Variants in SACM1L observed in about 807,000 individuals in gnomAD.
SACM1L encodes phosphatidylinositol-3-phosphatase SAC1.
Under a neutral mutation model 89.5 loss-of-function variants are expected in SACM1L, and 32 were observed. That is an observed-to-expected ratio of 0.36 (90% CI 0.27 to 0.48). SACM1L has a LOEUF of 0.48. Ranked by LOEUF, SACM1L falls within the 20% of genes least tolerant of loss-of-function variation. The probability of loss-of-function intolerance (pLI) is 0.99; values close to 1 mark genes in which losing one functional copy is unlikely to be tolerated. For missense variants in SACM1L, 543 were observed against 708.5 expected, an observed-to-expected ratio of 0.77 and a Z score of 2.65; for synonymous variants, 213 against 232.8, an observed-to-expected ratio of 0.92 and a Z score of 0.77.
intron 5 of SACM1L, among the ~76,000 whole-genome samples, chr3:45,712,810 T>TTAA (rs10660486): frequency 6.6e-6 from 1 of 151,716 alleles, no homozygotes; most frequent in Non-Finnish European, 1.5e-5. Flanking sequence ...GGAAGGTGTG[T>TTAA]TAGTTAGGCT....
At chr3:45,728,964 A>G (rs1698987055) in intron 11 of SACM1L, among the ~76,000 whole-genome samples, 1 of 152,216 alleles carries the variant, frequency 6.6e-6, no homozygotes, top group Non-Finnish European at 1.5e-5. Flanking sequence ...GTGAGCCACC[A>G]TTCCTGACTG....
At chr3:45,704,954 A>T (rs1175054082) in intron 2 of SACM1L, among the ~76,000 whole-genome samples, 181 bp from the exon 3 acceptor site, 1 of 152,174 alleles carries the variant, frequency 6.6e-6, no homozygotes, top group Non-Finnish European at 1.5e-5. Flanking sequence ...TTGCTGTTAC[A>T]CTCCAGTTTA....
Position 45,723,469 on chromosome 3 carries a change from C to T in SACM1L, c.853-6C>T. ...CCAGTAAAATATGTAACTTTTTCCTCTCTAGATGGACGGTTTCCAAAGGCA... is the reference window on the plus strand; with the variant it reads ...CCAGTAAAATATGTAACTTTTTCCTTTCTAGATGGACGGTTTCCAAAGGCA... On this transcript the variant is annotated splice_region_variant and splice_polypyrimidine_tract_variant and intron_variant, in intron 10 of 19. Transcript: ENST00000389061. The T allele has an allele frequency of 1.4e-6, 2 of 1,417,790 alleles. No homozygotes were observed. Among genetic ancestry groups the T allele is most frequent in the South Asian group, 1.7e-5 (1 of 58,660 alleles). The allele number at this position is 1,417,790 out of a possible 1,614,324, so 87.8% of individuals were successfully genotyped here.
intron 1 of SACM1L, among the ~76,000 whole-genome samples, chr3:45,697,340 G>A (rs939584908): frequency 4.2e-5 from 6 of 142,730 alleles, no homozygotes; most frequent in Non-Finnish European, 6.0e-5. Context: ...GTAGTGGTGC[G>A]ATCTTGGCTC....
At chr3:45,692,326 T>A (rs1428940737) in intron 1 of SACM1L, among the ~76,000 whole-genome samples, 3 of 152,006 alleles carry the variant, frequency 2.0e-5, no homozygotes, top group Non-Finnish European at 4.4e-5. Flanking sequence ...GTTTTTTTTT[T>A]TTTTTATTAT....
Position 45,722,884 on chromosome 3 carries a change from C to A in SACM1L, c.781C>A (p.Pro261Thr). The A allele has an allele frequency of 6.2e-7, 1 of 1,612,804 alleles. No individual in the cohort carries two copies. The highest frequency in any genetic ancestry group is 1.3e-5 in the African/African-American group (1 of 74,974). ...TTTCTTTTAGACTCGAGGATCAATA[C>A]CTGTTTTCTGGTCCCAAAGACCAAA... Reference protein sequence around the residue: ...ASFVQTRGSIPVFWSQRPNLK... With the variant: ...ASFVQTRGSITVFWSQRPNLK... The change falls in exon 10 of 20, where the codon CCT becomes ACT. Residue 261 changes from proline (P) to threonine (T), a missense_variant. By Grantham distance (38) the Pro-to-Thr change is conservative. This residue lies in a region of SACM1L where 370 missense variants were observed against 527.6 expected (regional missense o/e 0.70). Coordinates refer to ENST00000389061, the MANE Select transcript of SACM1L (RefSeq NM_014016.5).
chr3:45,696,866 T>G (rs1035726551), intron 1 of SACM1L, among the ~76,000 whole-genome samples: 1 of 152,236 alleles, frequency 6.6e-6, no homozygotes, highest in Non-Finnish European at 1.5e-5. Flanking sequence ...ATATTTGATG[T>G]TAATATTATA....
chr3:45,731,120 C>G (rs1433390608), intron 11 of SACM1L, among the ~76,000 whole-genome samples, 181 bp from the exon 12 acceptor site: 1 of 152,184 alleles, frequency 6.6e-6, no homozygotes, highest in Non-Finnish European at 1.5e-5. Context: ...GGGTGGGTTA[C>G]TATAAAACCT....
At chr3:45,730,880 A>G (rs995724831) in intron 11 of SACM1L, among the ~76,000 whole-genome samples, 1 of 152,210 alleles carries the variant, frequency 6.6e-6, no homozygotes, top group African/African-American at 2.4e-5. Context: ...GTTCAGAGAT[A>G]CGTGGGACAG....
chr3:45,707,000 G>A (rs1698413404), intron 4 of SACM1L, 93 bp downstream of exon 4: 2 of 1,208,830 alleles, frequency 1.7e-6, no homozygotes, highest in Non-Finnish European at 1.2e-6. Flanking sequence ...TACAAAGAAT[G>A]CTATAATTAT....
At chr3:45,728,517 A>G (rs899954427) in intron 11 of SACM1L, among the ~76,000 whole-genome samples, 1 of 152,140 alleles carries the variant, frequency 6.6e-6, no homozygotes, top group Non-Finnish European at 1.5e-5. Flanking sequence ...ATAAGTATCT[A>G]ATTTGGATTG....
intron 1 of SACM1L, among the ~76,000 whole-genome samples, chr3:45,703,236 C>G (rs1698314681): frequency 6.6e-6 from 1 of 152,006 alleles, no homozygotes; most frequent in African/African-American, 2.4e-5. Flanking sequence ...GGTTTCATAG[C>G]AAATCAAAAC....
In SACM1L at chr3:45,689,454, T is replaced by A; in HGVS notation, c.-12T>A. On this transcript the variant is annotated 5_prime_UTR_variant, in exon 1 of 20. Coordinates refer to ENST00000389061, the MANE Select transcript of SACM1L (RefSeq NM_014016.5). The stretch of plus-strand genomic sequence containing the variant: ...GCGGGCGGAGAGAGAAGGAAGGAGG[T>A]GGTTGTGCAGGATGGCGACGGCGGC... 1 of 1,557,558 alleles carries A rather than the reference T, an allele frequency of 6.4e-7. No individual in the cohort carries two copies. The highest frequency in any genetic ancestry group is 8.7e-7 in the Non-Finnish European group (1 of 1,152,774).
intron 11 of SACM1L, among the ~76,000 whole-genome samples, chr3:45,725,384 A>G (rs1698894849): frequency 1.3e-5 from 2 of 152,128 alleles, no homozygotes; most frequent in African/African-American, 2.4e-5. Flanking sequence ...TTCAGTGTAC[A>G]TGCATTTCAC....
At chr3:45,730,666 G>C (rs531038154) in intron 11 of SACM1L, 2 of 152,338 alleles carry the variant, frequency 1.3e-5, no homozygotes, top group East Asian at 3.9e-4. Context: ...ATCTTGCCTG[G>C]TTATGTGGGT....
intron 1 of SACM1L, 35 bp downstream of exon 1, chr3:45,689,532 G>A: frequency 6.4e-7 from 1 of 1,554,478 alleles, no homozygotes; most frequent in Non-Finnish European, 8.7e-7. Flanking sequence ...GAGGCGCGGC[G>A]GGCGGGGCGG....
At chr3:45,694,402 C>G (rs966547130) in intron 1 of SACM1L, among the ~76,000 whole-genome samples, 2 of 152,168 alleles carry the variant, frequency 1.3e-5, no homozygotes, top group African/African-American at 4.8e-5. Context: ...CACATATAAT[C>G]TGTTCAATAT....
chr3:45,718,866 C>T (rs971647991), intron 7 of SACM1L, among the ~76,000 whole-genome samples: 1 of 152,038 alleles, frequency 6.6e-6, no homozygotes, highest in African/African-American at 2.4e-5. Flanking sequence ...ATACCATATA[C>T]TATTATCAGT....
intron 12 of SACM1L, 104 bp downstream of exon 12, chr3:45,731,484 T>G: frequency 1.6e-6 from 1 of 622,766 alleles, no homozygotes; most frequent in Non-Finnish European, 2.6e-6. Flanking sequence ...AGCTTGCATT[T>G]TTTTCAATAG....
Sources: gnomAD v4.1 joint callset for allele counts (sites outside exome capture counted in the v4.1 genomes callset) on GRCh38, gnomAD v4.1.1 for gene constraint, gnomAD v4.1.1 regional missense constraint, MANE v1.5 for transcripts, NCBI Gene and HGNC (gene_info 2026-07-23, HGNC 2026-07-21) for gene names.